Variants in CEACAM21 observed in about 807,000 individuals in gnomAD.
CEACAM21 encodes the protein CEA cell adhesion molecule 21, also known as cell adhesion molecule CEACAM21.
A neutral mutation model predicts 33.2 loss-of-function variants in CEACAM21; 38 were observed. The observed-to-expected ratio is 1.14, with a 90% CI of 0.88 to 1.50. CEACAM21 has a LOEUF of 1.50. Among genes scored for constraint, CEACAM21 ranks in the 40% most tolerant of loss-of-function variants. The pLI is 0.00. For synonymous variants in CEACAM21, 156 were observed against 143.0 expected, an observed-to-expected ratio of 1.09 and a Z score of -0.65; for missense variants, 385 against 364.6, an observed-to-expected ratio of 1.06 and a Z score of -0.46.
intron 2 of CEACAM21, among the ~76,000 whole-genome samples, chr19:41,569,394 G>A (rs1029480007): frequency 5.9e-5 from 9 of 151,892 alleles, no homozygotes. Context: ...TTGTCTTTTT[G>A]TAGAGACAAC....
intron 2 of CEACAM21, among the ~76,000 whole-genome samples, chr19:41,567,512 C>G (rs1285432933): frequency 6.6e-6 from 1 of 152,168 alleles, no homozygotes; most frequent in Admixed American, 6.5e-5. Flanking sequence ...AACAATTTAG[C>G]AATTTTGCTA....
chr19:41,575,516 A>G (rs1045146196), upstream of CEACAM21, among the ~76,000 whole-genome samples: 2 of 152,310 alleles, frequency 1.3e-5, no homozygotes, highest in South Asian at 2.1e-4. Flanking sequence ...GTATTTGCAA[A>G]GAGAATGAGA....
intron 2 of CEACAM21, among the ~76,000 whole-genome samples, chr19:41,567,434 A>C (rs1305132556): frequency 6.6e-6 from 1 of 152,192 alleles, no homozygotes; most frequent in Non-Finnish European, 1.5e-5. Context: ...ACAACCATAG[A>C]TGTTCATTGC....
At position 41,577,556 on chromosome 19, in the gene CEACAM21, T is replaced by C. The variant is rs781798394; in HGVS notation, c.421T>C (p.Tyr141His). 1.9e-6 allele frequency: 3 copies of C among 1,613,020 alleles called. No homozygotes were observed. Among genetic ancestry groups the C allele is most frequent in the Admixed American group, 1.7e-5 (1 of 59,750 alleles). Residue 141 changes from tyrosine (Y) to histidine (H), a missense_variant, in exon 2 of 7, where the codon TAC becomes CAC. By Grantham distance (83) the Tyr-to-His change is moderately conservative (BLOSUM62 2). Coordinates refer to ENST00000401445, the MANE Select transcript of CEACAM21 (RefSeq NM_001098506.4). ...ACAGGCATCTCACCATCTCCGTGTA[T>C]ACGGTGAGTGATTCCTCCGTGCCTC... Reference protein sequence around the residue: ...IEQASHHLRVYESVAQPSIQA... With the variant: ...IEQASHHLRVHESVAQPSIQA...
chr19:41,583,809 A>G (rs1224436535), intron 3 of CEACAM21, among the ~76,000 whole-genome samples: 1 of 152,200 alleles, frequency 6.6e-6, no homozygotes, highest in Non-Finnish European at 1.5e-5. Context: ...TTGGGTGGGG[A>G]TACAGAGCCT....
intron 1 of CEACAM21, among the ~76,000 whole-genome samples, chr19:41,559,584 T>C (rs2041746898): frequency 6.6e-6 from 1 of 152,066 alleles, no homozygotes; most frequent in East Asian, 1.9e-4. Context: ...AGTTAATATG[T>C]ATGAAAAAAG....
At chr19:41,583,569 A>T (rs1355778895) in intron 3 of CEACAM21, among the ~76,000 whole-genome samples, 3 of 152,234 alleles carry the variant, frequency 2.0e-5, no homozygotes, top group African/African-American at 7.2e-5. Context: ...TCACAATTCC[A>T]CATGGCTGGA....
intron 2 of CEACAM21, among the ~76,000 whole-genome samples, chr19:41,568,047 A>G (rs2042378653): frequency 6.6e-6 from 1 of 152,202 alleles, no homozygotes; most frequent in South Asian, 2.1e-4. Context: ...TGTGCTTGAC[A>G]TTTTGGGAAC....
At position 41,577,434 on chromosome 19, in the gene CEACAM21, C is replaced by A; in HGVS notation, c.299C>A (p.Thr100Lys). 6.2e-7 allele frequency: 1 copy of A among 1,614,166 alleles called. No homozygotes were observed. Among genetic ancestry groups the A allele is most frequent in the South Asian group, 1.1e-5 (1 of 91,086 alleles). ...TPGPAYSGRE[T>K]ISPSGDLHFQ... ...GGGCCTGCATACAGCGGTCGAGAGACAATATCACCCAGTGGAGATCTGCAT... is the reference window on the plus strand; with the variant it reads ...GGGCCTGCATACAGCGGTCGAGAGAAAATATCACCCAGTGGAGATCTGCAT... The change falls in exon 2 of 7, where the codon ACA (threonine) becomes AAA (lysine). Residue 100 changes from threonine to lysine, a missense_variant. Transcript: ENST00000401445.
At chr19:41,550,369 C>T (rs2122147585) in intron 1 of CEACAM21, 1 of 152,148 alleles carries the variant, frequency 6.6e-6, no homozygotes, top group East Asian at 1.9e-4. Flanking sequence ...GAAATATGAA[C>T]CGAGTTTGTG....
intron 2 of CEACAM21, among the ~76,000 whole-genome samples, chr19:41,566,506 T>C (rs536194391): frequency 3.9e-5 from 6 of 152,346 alleles, no homozygotes; most frequent in South Asian, 2.1e-4. Flanking sequence ...CTTGCATTCC[T>C]GATATAAGCC....
At chr19:41,577,958 C>T (rs1233276154) in intron 2 of CEACAM21, among the ~76,000 whole-genome samples, 1 of 152,308 alleles carries the variant, frequency 6.6e-6, no homozygotes, top group African/African-American at 2.4e-5. Flanking sequence ...TCCCAAGATC[C>T]TGACTCCAGA....
At chr19:41,582,983 T>A (rs2043528375) in intron 3 of CEACAM21, among the ~76,000 whole-genome samples, 1 of 152,234 alleles carries the variant, frequency 6.6e-6, no homozygotes, top group Non-Finnish European at 1.5e-5. Flanking sequence ...AGGCTGCAAA[T>A]TTTCCAAACT....
intron 3 of CEACAM21, among the ~76,000 whole-genome samples, chr19:41,580,540 T>G (rs2043298980): frequency 6.6e-6 from 1 of 152,200 alleles, no homozygotes; most frequent in Non-Finnish European, 1.5e-5. Context: ...TTGGATTAGT[T>G]TGCTCAAACA....
At chr19:41,558,421 G>A (rs1391166430) in intron 1 of CEACAM21, among the ~76,000 whole-genome samples, 1 of 152,176 alleles carries the variant, frequency 6.6e-6, no homozygotes, top group South Asian at 2.1e-4. Flanking sequence ...GCCGAGGCAG[G>A]TAGATCATGA....
Position 41,579,554 on chromosome 19 carries a change from C to T in CEACAM21, c.626C>T (p.Ala209Val). Residue 209 changes from alanine (A) to valine (V), a missense_variant, in exon 3 of 7, where the codon GCT becomes GTT. Ala to Val is a moderately conservative substitution (Grantham distance 64, BLOSUM62 0). Coordinates refer to ENST00000401445, the MANE Select transcript of CEACAM21 (RefSeq NM_001098506.4). Reference protein sequence around the residue: ...LTIDPIRQEDAGEYQCEVSNP... With the variant: ...LTIDPIRQEDVGEYQCEVSNP... Reference sequence around the variant, plus strand: ...ATAGACCCCATCAGGCAGGAGGACGCTGGGGAGTATCAGTGTGAGGTCTCC... The same window carrying T: ...ATAGACCCCATCAGGCAGGAGGACGTTGGGGAGTATCAGTGTGAGGTCTCC... 6.2e-7 allele frequency: 1 copy of T among 1,607,410 alleles called. No individual in the cohort carries two copies. Among genetic ancestry groups the T allele is most frequent in the Non-Finnish European group, 8.5e-7 (1 of 1,176,658 alleles).
intron 2 of CEACAM21, among the ~76,000 whole-genome samples, chr19:41,578,057 G>A (rs868982600): frequency 6.6e-6 from 1 of 152,198 alleles, no homozygotes; most frequent in Non-Finnish European, 1.5e-5. Context: ...TCCCAGGGCC[G>A]TGGTTCCTAG....
intron 2 of CEACAM21, among the ~76,000 whole-genome samples, chr19:41,568,923 A>G (rs143445418): frequency 1.2e-3 from 177 of 152,298 alleles, no homozygotes; most frequent in African/African-American, 4.0e-3. Flanking sequence ...AGTTCTTCCA[A>G]TTCATGAACA....
chr19:41,582,209 A>G (rs1363648882), intron 3 of CEACAM21, among the ~76,000 whole-genome samples: 3 of 152,212 alleles, frequency 2.0e-5, no homozygotes, highest in Middle Eastern at 3.2e-3. Context: ...CTTTGTATCC[A>G]TGTCTCACAT....
Sources: gnomAD v4.1 joint callset for allele counts (sites outside exome capture counted in the v4.1 genomes callset) on GRCh38, gnomAD v4.1.1 for gene constraint, MANE v1.5 for transcripts, NCBI Gene and HGNC (gene_info 2026-07-23, HGNC 2026-07-21) for gene names.